The following CHRNB3 variants were observed in gnomAD, a reference collection of about 807,000 sequenced individuals.
The protein encoded by CHRNB3 is cholinergic receptor nicotinic beta 3 subunit.
Under a neutral mutation model 40.6 loss-of-function variants are expected in CHRNB3, and 37 were observed. That is an observed-to-expected ratio of 0.91 (90% CI 0.70 to 1.20). The LOEUF is 1.20. Among genes scored for constraint, CHRNB3 ranks in the 50% most tolerant of loss-of-function variants. The pLI, the probability that CHRNB3 is intolerant of heterozygous loss-of-function variation, is 0.00. For missense variants in CHRNB3, 505 were observed against 551.2 expected, an observed-to-expected ratio of 0.92 and a Z score of 0.84; for synonymous variants, 207 against 207.1, an observed-to-expected ratio of 1.00 and a Z score of 0.00.
chr8:42,731,158 T>A (rs908823747), intron 4 of CHRNB3, among the ~76,000 whole-genome samples: 2 of 152,206 alleles, frequency 1.3e-5, no homozygotes, highest in Admixed American at 1.3e-4. Context: ...AGATTAACAC[T>A]AGGAATAGAA....
chr8:42,736,448 T>C lies in CHRNB3; in HGVS notation c.1243-36T>C, dbSNP rs772736941. The stretch of plus-strand genomic sequence containing the variant: ...AGATGAATACAGAACAGTTGCTCAG[T>C]GTCTTGAGTGAAAGGCATCTTTTTC... On this transcript the variant is annotated intron_variant, in intron 5 of 5. Transcript: ENST00000289957. The C allele has an allele frequency of 1.9e-6, 3 of 1,612,070 alleles. No individual in the cohort carries two copies. In the African/African-American group the frequency reaches 4.0e-5, roughly 22 times the overall value.
intron 3 of CHRNB3, chr8:42,726,211 T>C (rs1816306811): frequency 2.3e-6 from 2 of 865,776 alleles, no homozygotes; most frequent in African/African-American, 3.3e-5. Context: ...GGATTTATCT[T>C]TGCTCTTGCT....
At chr8:42,715,224 A>G (rs1816079143) in intron 3 of CHRNB3, among the ~76,000 whole-genome samples, 1 of 152,182 alleles carries the variant, frequency 6.6e-6, no homozygotes, top group Non-Finnish European at 1.5e-5. Flanking sequence ...AGCTTAAAAA[A>G]TGACAATGAG....
intron 3 of CHRNB3, among the ~76,000 whole-genome samples, chr8:42,714,165 T>C (rs1816062119): frequency 1.3e-5 from 2 of 152,138 alleles, no homozygotes; most frequent in African/African-American, 4.8e-5. Context: ...ACAGGAGGCA[T>C]TGAGCTCTGC....
At chr8:42,709,525 G>A (rs993240177) in intron 2 of CHRNB3, among the ~76,000 whole-genome samples, 3 of 152,006 alleles carry the variant, frequency 2.0e-5, no homozygotes, top group Admixed American at 1.3e-4. Context: ...ACACATGTGC[G>A]CACACTCACC....
intron 5 of CHRNB3, among the ~76,000 whole-genome samples, chr8:42,733,976 G>T (rs1225859934): frequency 6.7e-6 from 1 of 149,862 alleles, no homozygotes; most frequent in African/African-American, 2.4e-5. Flanking sequence ...TGATCTGTTG[G>T]GCCAGGCACG....
intron 3 of CHRNB3, among the ~76,000 whole-genome samples, chr8:42,724,790 C>T (rs1043724086): frequency 2.0e-5 from 3 of 151,990 alleles, no homozygotes; most frequent in Non-Finnish European, 2.9e-5. Flanking sequence ...ACCATCCTGG[C>T]CAACACGGTG....
At chr8:42,730,382 T>G (rs1004197248) in intron 3 of CHRNB3, among the ~76,000 whole-genome samples, 1 of 152,178 alleles carries the variant, frequency 6.6e-6, no homozygotes. Context: ...ATATGTAACA[T>G]GCAAAGTGTG....
intron 1 of CHRNB3, among the ~76,000 whole-genome samples, chr8:42,707,756 G>T (rs1231587902): frequency 6.6e-6 from 1 of 152,172 alleles, no homozygotes; most frequent in Non-Finnish European, 1.5e-5. Context: ...GAAGGACTTT[G>T]TAAGGAAAGA....
chr8:42,726,334 CA>C (rs1346243848), intron 3 of CHRNB3: 1 of 533,582 alleles, frequency 1.9e-6, no homozygotes, highest in Non-Finnish European at 3.3e-6. Flanking sequence ...TTGCAAATGA[CA>C]TAATTGTCTA....
chr8:42,730,226 C>T (rs1272213485), intron 3 of CHRNB3, among the ~76,000 whole-genome samples: 1 of 152,270 alleles, frequency 6.6e-6, no homozygotes, highest in Non-Finnish European at 1.5e-5. Flanking sequence ...ACTGGACCCA[C>T]CCTCCTAGAA....
At chr8:42,718,712 G>A (rs1816166812) in intron 3 of CHRNB3, among the ~76,000 whole-genome samples, 1 of 148,898 alleles carries the variant, frequency 6.7e-6, no homozygotes, top group African/African-American at 2.4e-5. Flanking sequence ...AATAATTCGG[G>A]GACTTTTTTT....
intron 3 of CHRNB3, among the ~76,000 whole-genome samples, chr8:42,713,295 G>A (rs536494863): frequency 9.2e-5 from 14 of 151,974 alleles, no homozygotes; most frequent in Non-Finnish European, 1.8e-4. Flanking sequence ...AGTGGGCGCC[G>A]AGGACCCTGA....
chr8:42,716,157 G>A (rs1261188837), intron 3 of CHRNB3, among the ~76,000 whole-genome samples: 1 of 151,816 alleles, frequency 6.6e-6, no homozygotes, highest in Non-Finnish European at 1.5e-5. Context: ...TGTATTTTTC[G>A]TAGAGACGAG....
chr8:42,719,494 A>G (rs999897080), intron 3 of CHRNB3, among the ~76,000 whole-genome samples: 47 of 152,160 alleles, frequency 3.1e-4, no homozygotes, highest in Admixed American at 3.0e-3. Flanking sequence ...AAAAATAAGA[A>G]AAATTAGCCA....
chr8:42,726,153 G>C (rs1459575628), intron 3 of CHRNB3: 1 of 1,368,222 alleles, frequency 7.3e-7, no homozygotes, highest in Non-Finnish European at 1.0e-6. Context: ...GTGGCTTTGA[G>C]GGCTTGATAA....
At chr8:42,725,659 A>G in intron 3 of CHRNB3, 1 of 1,029,390 alleles carries the variant, frequency 9.7e-7, no homozygotes, top group Non-Finnish European at 1.5e-6. Context: ...TGAGAGGTGG[A>G]AAGGGCACAA....
chr8:42,708,322 C>T (rs548514137), intron 1 of CHRNB3, among the ~76,000 whole-genome samples: 20 of 152,140 alleles, frequency 1.3e-4, no homozygotes, highest in South Asian at 6.2e-4. Context: ...AAAAATTAGC[C>T]GGGTGTGGTG....
At chr8:42,725,162 T>C (rs550045668) in intron 3 of CHRNB3, among the ~76,000 whole-genome samples, 8 of 148,282 alleles carry the variant, frequency 5.4e-5, no homozygotes, top group Non-Finnish European at 1.0e-4. Context: ...CAATCTTGGC[T>C]CACCGCAACC....
Sources: gnomAD v4.1 joint callset for allele counts (sites outside exome capture counted in the v4.1 genomes callset) on GRCh38, gnomAD v4.1.1 for gene constraint, MANE v1.5 for transcripts, NCBI Gene and HGNC (gene_info 2026-07-23, HGNC 2026-07-21) for gene names.